The following PPP1R12B variants were observed in gnomAD, a reference collection of about 807,000 sequenced individuals.
PPP1R12B encodes protein phosphatase 1 regulatory subunit 12B.
Under a neutral mutation model 126.1 loss-of-function variants are expected in PPP1R12B, and 76 were observed. The ratio of observed to expected loss-of-function variants is 0.60; its 90% CI spans 0.50 to 0.73. PPP1R12B has a LOEUF of 0.73. Among genes scored for constraint, PPP1R12B ranks in the 30% least tolerant of loss-of-function variants. The pLI, the probability that PPP1R12B is intolerant of heterozygous loss-of-function variation, is 0.00. For missense variants in PPP1R12B, 1,052 were observed against 1,205.1 expected (o/e 0.87, Z 1.88); for synonymous variants, 356 against 434.7 (o/e 0.82, Z 2.25).
chr1:202,505,520 A>G (rs1200895771), intron 18 of PPP1R12B, among the ~76,000 whole-genome samples: 5 of 151,672 alleles, frequency 3.3e-5, no homozygotes, highest in Non-Finnish European at 7.4e-5. Flanking sequence ...CTTTCTGTCC[A>G]CTCTCCACCA....
chr1:202,362,065 CTTT>C (rs112802595), intron 1 of PPP1R12B, among the ~76,000 whole-genome samples: 1 of 142,354 alleles, frequency 7.0e-6, no homozygotes, highest in Admixed American at 7.0e-5. Flanking sequence ...AGGCAGATTA[CTTT>C]TTTTTTTTTT....
At chr1:202,499,262 A>C (rs892854488) in intron 18 of PPP1R12B, among the ~76,000 whole-genome samples, 1 of 150,320 alleles carries the variant, frequency 6.7e-6, no homozygotes, top group Admixed American at 6.6e-5. Flanking sequence ...GTAATATTTA[A>C]TTTTTTTTTT....
Position 202,577,872 on chromosome 1 carries a change from T to C in PPP1R12B, c.2863-2602T>C, listed in dbSNP as rs961779156. On this transcript the variant is annotated intron_variant, in intron 23 of 23. Coordinates refer to ENST00000608999, the MANE Select transcript of PPP1R12B (RefSeq NM_002481.4). ...TGCCCAGGGTATCTTTAACACCAAA[T>C]TGTGGTAAGCTGGGAACTTAAAAAT... Among the ~76,000 whole-genome samples, 5 of 152,340 alleles carry C rather than the reference T, an allele frequency of 3.3e-5. No homozygotes were observed. In the South Asian group the frequency reaches 1.0e-3, roughly 32 times the overall value.
intron 23 of PPP1R12B, 150 bp from the exon 24 acceptor site, chr1:202,580,324 G>GA: frequency 1.6e-6 from 1 of 610,824 alleles, no homozygotes; most frequent in South Asian, 2.1e-5. Flanking sequence ...AGATTGAAGG[G>GA]AATTTCATCC....
At chr1:202,428,617 T>C in intron 5 of PPP1R12B, 2 of 455,294 alleles carry the variant, frequency 4.4e-6, no homozygotes, top group Non-Finnish European at 7.7e-6. Context: ...GGATTAGAAA[T>C]GGTGTGATTT....
At chr1:202,541,902 C>T (rs1685168916) in intron 18 of PPP1R12B, among the ~76,000 whole-genome samples, 1 of 152,196 alleles carries the variant, frequency 6.6e-6, no homozygotes, top group African/African-American at 2.4e-5. Context: ...GAAACTAAAA[C>T]ACAGATGGCT....
intron 2 of PPP1R12B, among the ~76,000 whole-genome samples, chr1:202,418,763 T>G (rs1668407280): frequency 6.6e-6 from 1 of 152,184 alleles, no homozygotes; most frequent in Admixed American, 6.5e-5. Flanking sequence ...GGTTTTGACT[T>G]TACTGTCATC....
intron 18 of PPP1R12B, among the ~76,000 whole-genome samples, chr1:202,521,761 G>GA (rs541845053): frequency 1.2e-3 from 183 of 152,078 alleles, no homozygotes; most frequent in Middle Eastern, 3.4e-3. Context: ...TTGCAAAGGA[G>GA]AAAAAAGAAT....
chr1:202,382,471 A>C (rs1662474731), intron 1 of PPP1R12B, among the ~76,000 whole-genome samples: 1 of 150,496 alleles, frequency 6.6e-6, no homozygotes, highest in South Asian at 2.1e-4. Context: ...ACTTTATTTA[A>C]AAAATAAAAA....
chr1:202,372,788 A>T (rs531693519), intron 1 of PPP1R12B, among the ~76,000 whole-genome samples: 3 of 152,250 alleles, frequency 2.0e-5, no homozygotes, highest in South Asian at 2.1e-4. Context: ...AAAAAAAAAT[A>T]AAAAAGTAAA....
chr1:202,504,454 G>C (rs1323810236), intron 18 of PPP1R12B, among the ~76,000 whole-genome samples: 1 of 152,110 alleles, frequency 6.6e-6, no homozygotes, highest in African/African-American at 2.4e-5. Context: ...CCTAAAAGTT[G>C]TTACTGTATA....
chr1:202,389,902 G>C (rs549298837), intron 1 of PPP1R12B, among the ~76,000 whole-genome samples: 1 of 148,230 alleles, frequency 6.7e-6, no homozygotes, highest in Non-Finnish European at 1.5e-5. Context: ...ACTCCAGTCT[G>C]GGCGACAGAG....
chr1:202,495,943 T>C (rs1679504341), intron 17 of PPP1R12B, among the ~76,000 whole-genome samples: 1 of 152,156 alleles, frequency 6.6e-6, no homozygotes, highest in Admixed American at 6.5e-5. Context: ...AAACTGGAAA[T>C]ATACAACAGC....
chr1:202,485,425 G>A (rs1197411868), intron 13 of PPP1R12B, among the ~76,000 whole-genome samples: 1 of 151,392 alleles, frequency 6.6e-6, no homozygotes, highest in Non-Finnish European at 1.5e-5. Context: ...GGGGGGCAGG[G>A]GGTGCTCAAG....
intron 18 of PPP1R12B, among the ~76,000 whole-genome samples, chr1:202,513,466 C>T (rs747013107): frequency 1.3e-5 from 2 of 152,062 alleles, no homozygotes; most frequent in African/African-American, 2.4e-5. Context: ...TTTGGACATG[C>T]TGAGTTCAAG....
intron 19 of PPP1R12B, among the ~76,000 whole-genome samples, chr1:202,559,244 TAG>T (rs1297019351): frequency 6.6e-6 from 1 of 152,190 alleles, no homozygotes; most frequent in African/African-American, 2.4e-5. Flanking sequence ...AACAAGCCAG[TAG>T]AGAGACAGAT....
chr1:202,472,185 T>C, intron 13 of PPP1R12B: 1 of 676,874 alleles, frequency 1.5e-6, no homozygotes. Context: ...ATATGAATAT[T>C]TTGGAACTTA....
chr1:202,371,181 A>ATT lies in PPP1R12B; in HGVS notation c.291+22058_291+22059dup, dbSNP rs1214666307. Among the ~76,000 whole-genome samples, 171 of 110,666 alleles carry ATT rather than the reference A, an allele frequency of 1.5e-3. 3 individuals carry two copies. Among genetic ancestry groups the ATT allele is most frequent in the Non-Finnish European group, 2.2e-3 (118 of 53,454 alleles). 72.6% of individuals were successfully genotyped at this position (110,666 alleles called of 152,430 possible). On this transcript the variant is annotated intron_variant, in intron 1 of 23. Transcript: ENST00000608999. ...CAGGTGTGCACCACCACACCCAGCT[A>ATT]TTTTTTTTTTTTTTTTTTTTGTAGA...
intron 18 of PPP1R12B, among the ~76,000 whole-genome samples, chr1:202,549,914 C>G (rs1193801984): frequency 6.6e-6 from 1 of 152,130 alleles, no homozygotes; most frequent in Non-Finnish European, 1.5e-5. Context: ...GAGATTTGAT[C>G]TCTCCGCTCC....
Sources: gnomAD v4.1 joint callset for allele counts (sites outside exome capture counted in the v4.1 genomes callset) on GRCh38, gnomAD v4.1.1 for gene constraint, MANE v1.5 for transcripts, NCBI Gene and HGNC (gene_info 2026-07-23, HGNC 2026-07-21) for gene names.